The following TADA1 variants were observed in gnomAD, a reference collection of about 807,000 sequenced individuals.
TADA1 encodes transcriptional adaptor 1, also known as transcriptional adapter 1.
Under a neutral mutation model 39.3 loss-of-function variants are expected in TADA1, and 23 were observed. The ratio of observed to expected loss-of-function variants is 0.58; its 90% confidence interval spans 0.42 to 0.83. TADA1 has a LOEUF of 0.83. Among genes scored for constraint, TADA1 ranks in the 40% least tolerant of loss-of-function variants. TADA1 has a pLI of 0.00. For synonymous variants in TADA1, 137 were observed against 151.8 expected, an observed-to-expected ratio of 0.90 and a Z score of 0.72; for missense variants, 352 against 408.1, an observed-to-expected ratio of 0.86 and a Z score of 1.18.
At chr1:166,869,555 A>G (rs1658612224) in intron 2 of TADA1, 45 bp from the exon 3 acceptor site, 4 of 1,594,798 alleles carry the variant, frequency 2.5e-6, no homozygotes, top group African/African-American at 1.3e-5. Context: ...AACATTTTCA[A>G]CATAAGGAAA....
chr1:166,868,413 A>G (rs1286993497), intron 3 of TADA1, among the ~76,000 whole-genome samples: 1 of 152,120 alleles, frequency 6.6e-6, no homozygotes, highest in Non-Finnish European at 1.5e-5. Flanking sequence ...TTCCCAACAT[A>G]TGCTGGGTTC....
chr1:166,866,022 G>C (rs554430696), intron 3 of TADA1, among the ~76,000 whole-genome samples: 3 of 152,274 alleles, frequency 2.0e-5, no homozygotes, highest in African/African-American at 7.2e-5. Flanking sequence ...GATCTCACTT[G>C]ATAAGGTCAG....
chr1:166,869,589 A>T (rs1268320971), intron 2 of TADA1, 79 bp from the exon 3 acceptor site: 7 of 1,494,848 alleles, frequency 4.7e-6, no homozygotes, highest in Middle Eastern at 3.5e-4. Context: ...CTAGCTTCTC[A>T]AGATTTTGGA....
At chr1:166,869,369 G>A (rs1431122158) in intron 3 of TADA1, 76 bp downstream of exon 3, 2 of 1,222,326 alleles carry the variant, frequency 1.6e-6, no homozygotes, top group African/African-American at 3.1e-5. Context: ...ACAAACACTA[G>A]CTGTGTCTAT....
At chr1:166,873,238 T>A (rs901868456) in intron 1 of TADA1, among the ~76,000 whole-genome samples, 5 of 152,142 alleles carry the variant, frequency 3.3e-5, no homozygotes, top group Non-Finnish European at 7.4e-5. Flanking sequence ...ACCACTGCAC[T>A]CCAGCCTGGG....
chr1:166,861,679 C>T (rs1045523727), intron 5 of TADA1, among the ~76,000 whole-genome samples: 7 of 152,122 alleles, frequency 4.6e-5, no homozygotes, highest in African/African-American at 1.4e-4. Flanking sequence ...AAGAGTTATG[C>T]CATAAATAAC....
rs559413244 is a variant in TADA1, at chr1:166,873,289, C to G, written c.74+2871G>C. 7.2e-5 allele frequency among the ~76,000 whole-genome samples: 11 copies of G among 152,038 alleles called. No homozygotes were observed. The South Asian group carries it at 2.3e-3, about 32-fold the overall frequency. ...CTCTCTCAAAATAAATAAATAAATG[C>G]ATAAATAAATAACATATGATCAAAT... On this transcript the variant is annotated intron_variant, in intron 1 of 7. Coordinates refer to ENST00000367874, the MANE Select transcript of TADA1 (RefSeq NM_053053.4).
chr1:166,869,447 G>A lies in TADA1; in HGVS notation c.230C>T (p.Pro77Leu). Reference sequence around the variant, plus strand: ...TGGAAGTATTTCCACTCCCTTACCTGGTGTAGAAACCAAAATCTGACAACG... The same window carrying A: ...TGGAAGTATTTCCACTCCCTTACCTAGTGTAGAAACCAAAATCTGACAACG... Reference protein sequence around the residue: ...LTRCQILVSTPDGAGSLPWPG... With the variant: ...LTRCQILVSTLDGAGSLPWPG... Residue 77 changes from proline (P) to leucine (L), a missense_variant and splice_region_variant, in exon 3 of 8, where the codon CCA (proline) becomes CTA (leucine). Physicochemically the swap from Pro to Leu is moderately conservative, Grantham distance 98 (BLOSUM62 -3). Coordinates refer to ENST00000367874, the MANE Select transcript of TADA1 (RefSeq NM_053053.4). 6.2e-7 allele frequency: 1 copy of A among 1,612,654 alleles called. No individual in the cohort carries two copies. Among genetic ancestry groups the A allele is most frequent in the Non-Finnish European group, 8.5e-7 (1 of 1,178,908 alleles).
At chr1:166,876,133 T>C (rs1658764247) in intron 1 of TADA1, 27 bp downstream of exon 1, 2 of 1,602,676 alleles carry the variant, frequency 1.2e-6, no homozygotes, top group Non-Finnish European at 1.7e-6. Flanking sequence ...CGTGTTGGCC[T>C]GGACGCTGTG....
intron 1 of TADA1, among the ~76,000 whole-genome samples, chr1:166,872,421 CAGGACT>C (rs1658678259): frequency 1.3e-5 from 2 of 152,272 alleles, no homozygotes; most frequent in African/African-American, 4.8e-5. Flanking sequence ...CCTATAATCT[CAGGACT>C]TTAGCAGGCC....
chr1:166,860,812 G>A lies in TADA1; in HGVS notation c.541-475C>T, dbSNP rs181954124. On this transcript the variant is annotated intron_variant, in intron 5 of 7. Transcript: ENST00000367874. ...AGCCTCCCAAGTAGTTGGGATTACA[G>A]GTGCCCACCACCAAGCCTGGCTAAT... Among the ~76,000 whole-genome samples, 39 of 152,214 alleles carry A rather than the reference G, an allele frequency of 2.6e-4. No homozygotes were observed. In the South Asian group the frequency reaches 3.7e-3, roughly 15 times the overall value.
Position 166,862,605 on chromosome 1 carries a change from C to T in TADA1, c.331-193G>A, listed in dbSNP as rs1052068548. 2.0e-5 allele frequency: 12 copies of T among 602,166 alleles called. No individual in the cohort carries two copies. In the African/African-American group the frequency reaches 2.2e-4, roughly 11 times the overall value. The allele number at this position is 602,166 out of a possible 1,614,324, so 37.3% of individuals were successfully genotyped here. ...ATCCAATACAAGGTAATAATGAAGA[C>T]ATGGATTAAGGGGAATAATGGTAGT... On this transcript the variant is annotated intron_variant, in intron 4 of 7. Transcript: ENST00000367874.
chr1:166,869,364 C>G (rs545363538), intron 3 of TADA1, 81 bp downstream of exon 3: 2 of 1,166,844 alleles, frequency 1.7e-6, no homozygotes, highest in East Asian at 2.6e-5. Flanking sequence ...GCTTTACAAA[C>G]ACTAGCTGTG....
intron 3 of TADA1, among the ~76,000 whole-genome samples, chr1:166,866,939 T>G (rs2101792592): frequency 6.6e-6 from 1 of 152,210 alleles, no homozygotes; most frequent in South Asian, 2.1e-4. Flanking sequence ...GTGACGGGGT[T>G]TCACCATGTT....
chr1:166,875,829 C>T (rs1291598073), intron 1 of TADA1, among the ~76,000 whole-genome samples: 1 of 152,246 alleles, frequency 6.6e-6, no homozygotes, highest in Non-Finnish European at 1.5e-5. Context: ...AAGTCAGCCT[C>T]CCGCATCCCG....
At chr1:166,862,528 A>G (rs780994339) in intron 4 of TADA1, 116 bp from the exon 5 acceptor site, 21 of 738,922 alleles carry the variant, frequency 2.8e-5, no homozygotes, top group Admixed American at 5.1e-5. Context: ...ACTATACCAC[A>G]GGGGTTAAGG....
At chr1:166,866,781 G>C (rs548196123) in intron 3 of TADA1, among the ~76,000 whole-genome samples, 42 of 149,624 alleles carry the variant, frequency 2.8e-4, no homozygotes, top group Non-Finnish European at 5.3e-4. Flanking sequence ...GTATTAGTCT[G>C]TCACCCAGGC....
In TADA1 at chr1:166,873,892, A is replaced by G. The variant is rs139732686; in HGVS notation, c.74+2268T>C. On this transcript the variant is annotated intron_variant, in intron 1 of 7. Transcript: ENST00000367874. ...AGCCCTGAACCTGTAACTGATGAGT[A>G]TGGGATGACAGAGGTCACCATTGCA... 5.0e-4 allele frequency among the ~76,000 whole-genome samples: 76 copies of G among 152,292 alleles called. 2 individuals are homozygous for G. The highest frequency in any genetic ancestry group is 1.8e-3 in the African/African-American group (74 of 41,572).
intron 3 of TADA1, chr1:166,869,073 G>T: frequency 3.6e-6 from 1 of 277,598 alleles, no homozygotes; most frequent in African/African-American, 2.3e-5. Flanking sequence ...TTTTGGCAAA[G>T]AAAAGTTTGG....
Sources: gnomAD v4.1 joint callset for allele counts (sites outside exome capture counted in the v4.1 genomes callset) on GRCh38, gnomAD v4.1.1 for gene constraint, MANE v1.5 for transcripts, NCBI Gene and HGNC (gene_info 2026-07-23, HGNC 2026-07-21) for gene names.